Variants in TCL1B observed in about 807,000 individuals in gnomAD.
TCL1B encodes the protein TCL1 family AKT coactivator B, also known as T-cell leukemia/lymphoma protein 1B.
A neutral mutation model predicts 16.9 loss-of-function variants in TCL1B; 14 were observed. The ratio of observed to expected loss-of-function variants is 0.83; its 90% confidence interval spans 0.55 to 1.30. The LOEUF is 1.30. TCL1B is among the 50% of genes most tolerant of loss of function. TCL1B has a pLI of 0.00. For synonymous variants in TCL1B, 79 were observed against 66.6 expected (o/e 1.19, Z -0.91); for missense variants, 166 against 165.2 (o/e 1.00, Z -0.03).
chr14:95,689,595 A>C (rs151189184), intron 1 of TCL1B, among the ~76,000 whole-genome samples: 64 of 152,372 alleles, frequency 4.2e-4, no homozygotes, highest in African/African-American at 1.5e-3. Flanking sequence ...GTGCAAAAGC[A>C]GCTAAAGGCA....
At chr14:95,690,038 T>G (rs896760712) in intron 1 of TCL1B, among the ~76,000 whole-genome samples, 1 of 152,244 alleles carries the variant, frequency 6.6e-6, no homozygotes, top group Non-Finnish European at 1.5e-5. Flanking sequence ...AGTCTTGCTC[T>G]GTCTCCCAGG....
At chr14:95,686,775 C>A (rs1885771334) in intron 1 of TCL1B, 146 bp downstream of exon 1, 1 of 1,007,634 alleles carries the variant, frequency 9.9e-7, no homozygotes, top group South Asian at 1.9e-5. Flanking sequence ...CAGCAATGTC[C>A]ATGCCCAGCC....
At chr14:95,688,097 G>GTGA (rs1216031855) in intron 1 of TCL1B, 1 of 152,080 alleles carries the variant, frequency 6.6e-6, no homozygotes, top group Non-Finnish European at 1.5e-5. Context: ...CCAGGCTCAA[G>GTGA]TGATTCTCAT....
chr14:95,687,884 G>A (rs1885796983), intron 1 of TCL1B, among the ~76,000 whole-genome samples: 2 of 146,656 alleles, frequency 1.4e-5, no homozygotes, highest in Non-Finnish European at 3.0e-5. Context: ...CCCGGGAGGC[G>A]AAGCTTGTAG....
chr14:95,687,847 G>C (rs1885795921), intron 1 of TCL1B, among the ~76,000 whole-genome samples: 4 of 151,632 alleles, frequency 2.6e-5, no homozygotes, highest in Non-Finnish European at 4.4e-5. Flanking sequence ...AGCTACTCGG[G>C]AGGCTGAGGC....
At position 95,687,238 on chromosome 14, in the gene TCL1B, A is replaced by G. The variant is rs561103049; in HGVS notation, c.162+609A>G. On this transcript the variant is annotated intron_variant, in intron 1 of 3. Coordinates refer to ENST00000340722, the MANE Select transcript of TCL1B (RefSeq NM_004918.4). Reference sequence around the variant, plus strand: ...TGGAGTCCTAGATTCTTTACTTTTCAAAAGCTCCCCAGGTGATAATGATAA... The same window carrying G: ...TGGAGTCCTAGATTCTTTACTTTTCGAAAGCTCCCCAGGTGATAATGATAA... Among the ~76,000 whole-genome samples the G allele has an allele frequency of 3.9e-5, 6 of 152,268 alleles. No individual in the cohort carries two copies. The South Asian group carries it at 1.2e-3, about 32-fold the overall frequency.
chr14:95,687,780 G>A (rs1487791611), intron 1 of TCL1B, among the ~76,000 whole-genome samples: 2 of 151,900 alleles, frequency 1.3e-5, no homozygotes, highest in East Asian at 2.0e-4. Flanking sequence ...GGGAAACCCC[G>A]TCTCTACTAA....
At chr14:95,691,575 T>C in intron 3 of TCL1B, 1 of 409,780 alleles carries the variant, frequency 2.4e-6, no homozygotes, top group Middle Eastern at 6.9e-4. Flanking sequence ...CATTTAATCC[T>C]TGTGAGAATT....
chr14:95,686,754 G>GTC (rs1226242862), intron 1 of TCL1B, 125 bp downstream of exon 1: 1 of 1,200,468 alleles, frequency 8.3e-7, no homozygotes, highest in Non-Finnish European at 1.1e-6. Flanking sequence ...TTCTGTGCAG[G>GTC]TCTAGGAGCG....
rs1885768741 is a variant in TCL1B at position 95,686,682 on chromosome 14, G to A, written c.162+53G>A. ...TGGGGAGGGCTGCGCACTGACCCCT[G>A]CCCGTGTGGGACCGCGGTGGGGGTC... On this transcript the variant is annotated intron_variant, in intron 1 of 3. Coordinates refer to ENST00000340722, the MANE Select transcript of TCL1B (RefSeq NM_004918.4). 3 of 1,526,916 alleles carry A rather than the reference G, an allele frequency of 2.0e-6. No individual in the cohort carries two copies. The Admixed American group carries it at 6.6e-5, about 33-fold the overall frequency. 94.6% of individuals were successfully genotyped at this position (1,526,916 alleles called of 1,614,324 possible).
intron 3 of TCL1B, 133 bp downstream of exon 3, chr14:95,691,469 A>G: frequency 1.3e-6 from 1 of 757,954 alleles, no homozygotes; most frequent in Non-Finnish European, 2.1e-6. Flanking sequence ...GCCACCTGTC[A>G]CCTCTGTTCC....
intron 1 of TCL1B, among the ~76,000 whole-genome samples, chr14:95,687,434 A>C (rs910244134): frequency 6.6e-6 from 1 of 152,092 alleles, no homozygotes; most frequent in African/African-American, 2.4e-5. Flanking sequence ...ATTACATATA[A>C]CCTCAGCGCA....
At chr14:95,687,734 C>G (rs1244148306) in intron 1 of TCL1B, among the ~76,000 whole-genome samples, 1 of 152,018 alleles carries the variant, frequency 6.6e-6, no homozygotes, top group Non-Finnish European at 1.5e-5. Context: ...GGGCTTATCA[C>G]GAGATCAGGA....
rs909740075 is a variant in TCL1B at position 95,692,349 on chromosome 14, G to A, written c.*434G>A. On this transcript the variant is annotated 3_prime_UTR_variant, in exon 4 of 4. Transcript: ENST00000340722. ...TGGAAACTCACCATCGGCAGGCAGT[G>A]GTTCGGTTTAAGAGATGGCATTAGA... is the stretch of plus-strand genomic sequence containing the variant. 4 of 152,426 alleles carry A rather than the reference G, an allele frequency of 2.6e-5. No homozygotes were observed. Among genetic ancestry groups the A allele is most frequent in the African/African-American group, 7.2e-5 (3 of 41,444 alleles). 9.4% of individuals were successfully genotyped at this position (152,426 alleles called of 1,614,324 possible).
rs60211159 is a variant in TCL1B, at chr14:95,689,098, A to G, written c.163-1638A>G. 4.8e-3 allele frequency among the ~76,000 whole-genome samples: 723 copies of G among 152,024 alleles called. 3 individuals are homozygous for G. The highest frequency in any genetic ancestry group is 0.016 in the African/African-American group (654 of 41,480). On this transcript the variant is annotated intron_variant, in intron 1 of 3. Transcript: ENST00000340722. ...TCAGGAGATCGAGACCATCCTGGCTAACACGGTGAAACCCCGTCTCTACTA... is the reference window on the plus strand; with the variant it reads ...TCAGGAGATCGAGACCATCCTGGCTGACACGGTGAAACCCCGTCTCTACTA...
Position 95,688,627 on chromosome 14 carries a change from A to G in TCL1B, c.162+1998A>G, listed in dbSNP as rs371518041. Reference sequence around the variant, plus strand: ...CATGTATTCATACATCCATGTTCACAGCAGTATCATTCATACTAGCCAAAA... The same window carrying G: ...CATGTATTCATACATCCATGTTCACGGCAGTATCATTCATACTAGCCAAAA... On this transcript the variant is annotated intron_variant, in intron 1 of 3. Transcript: ENST00000340722. Among the ~76,000 whole-genome samples, 36 of 152,358 alleles carry G rather than the reference A, an allele frequency of 2.4e-4. 1 individual carries two copies. The South Asian group carries it at 7.0e-3, about 30-fold the overall frequency.
chr14:95,689,034 C>G (rs192072592), intron 1 of TCL1B, among the ~76,000 whole-genome samples: 4 of 152,138 alleles, frequency 2.6e-5, no homozygotes, highest in African/African-American at 9.6e-5. Context: ...CGCCTGTAAT[C>G]CCAGCACTTT....
intron 1 of TCL1B, among the ~76,000 whole-genome samples, chr14:95,688,774 T>C (rs558462965): frequency 6.6e-6 from 1 of 152,296 alleles, no homozygotes; most frequent in South Asian, 2.1e-4. Context: ...AAATGAAATA[T>C]GCCAGTCACG....
At chr14:95,687,684 G>T (rs1221288246) in intron 1 of TCL1B, among the ~76,000 whole-genome samples, 1 of 152,124 alleles carries the variant, frequency 6.6e-6, no homozygotes, top group Non-Finnish European at 1.5e-5. Context: ...TGGGCGCGGT[G>T]GCTCACGCCT....
Sources: allele counts gnomAD v4.1 joint callset (sites outside exome capture counted in the v4.1 genomes callset), GRCh38; gene constraint gnomAD v4.1.1; transcripts MANE v1.5; gene names NCBI Gene and HGNC (gene_info 2026-07-23, HGNC 2026-07-21).